Variants in PDE10A observed in about 807,000 individuals in gnomAD.
The protein encoded by PDE10A is cAMP and cAMP-inhibited cGMP 3',5'-cyclic phosphodiesterase 10A.
In PDE10A, 39 loss-of-function variants were observed where a neutral mutation model predicts 97.7. The observed-to-expected ratio is 0.40, with a 90% CI of 0.31 to 0.52. The LOEUF is 0.52. PDE10A is among the 20% of genes least tolerant of loss of function. PDE10A has a pLI of 0.56. For synonymous variants in PDE10A, 371 were observed against 376.8 expected (o/e 0.98, Z 0.18); for missense variants, 731 against 1,047.8 (o/e 0.70, Z 4.17).
intron 21 of PDE10A, among the ~76,000 whole-genome samples, chr6:165,335,491 T>C (rs1369344543): frequency 2.0e-5 from 3 of 152,146 alleles, no homozygotes; most frequent in Non-Finnish European, 4.4e-5. Flanking sequence ...CACATATACA[T>C]AGTGTACTAC....
intron 1 of PDE10A, among the ~76,000 whole-genome samples, chr6:165,582,478 G>T (rs889304280): frequency 5.9e-5 from 9 of 151,840 alleles, no homozygotes; most frequent in Admixed American, 1.3e-4. Flanking sequence ...CACATCAAAT[G>T]ATCTAATTGT....
At chr6:165,520,551 G>A (rs1319272502) in intron 2 of PDE10A, among the ~76,000 whole-genome samples, 1 of 152,170 alleles carries the variant, frequency 6.6e-6, no homozygotes, top group Admixed American at 6.5e-5. Flanking sequence ...GCATCTAGGA[G>A]AGTAGAGCCC....
At chr6:165,590,598 A>C (rs894010076) in intron 1 of PDE10A, among the ~76,000 whole-genome samples, 8 of 152,204 alleles carry the variant, frequency 5.3e-5, no homozygotes, top group African/African-American at 1.9e-4. Context: ...ACACTAAAAA[A>C]CAACTTAAGA....
At chr6:165,695,739 G>A (rs1207014302) in intron 1 of PDE10A, among the ~76,000 whole-genome samples, 1 of 152,186 alleles carries the variant, frequency 6.6e-6, no homozygotes, top group Non-Finnish European at 1.5e-5. Context: ...AGAGATTTGT[G>A]CATCTACTGT....
At chr6:165,751,954 A>G (rs1254632821) in intron 1 of PDE10A, among the ~76,000 whole-genome samples, 2 of 151,908 alleles carry the variant, frequency 1.3e-5, no homozygotes, top group African/African-American at 2.4e-5. Flanking sequence ...CCTGGTTGAC[A>G]TGGTGAAACC....
intron 1 of PDE10A, among the ~76,000 whole-genome samples, chr6:165,923,748 C>G (rs1220359580): frequency 6.6e-6 from 1 of 151,506 alleles, no homozygotes; most frequent in Non-Finnish European, 1.5e-5. Flanking sequence ...GAGTATATAA[C>G]TATCACCACT....
At chr6:165,350,182 G>A (rs1782602956) in intron 18 of PDE10A, among the ~76,000 whole-genome samples, 1 of 152,202 alleles carries the variant, frequency 6.6e-6, no homozygotes, top group Non-Finnish European at 1.5e-5. Context: ...GCCCATGCAA[G>A]CAGCCGGGAG....
intron 1 of PDE10A, among the ~76,000 whole-genome samples, chr6:165,709,943 G>A (rs1295012837): frequency 6.6e-6 from 1 of 151,844 alleles, no homozygotes; most frequent in East Asian, 1.9e-4. Flanking sequence ...AGGACTGTAA[G>A]AACTTGCCCC....
In PDE10A at chr6:165,802,612, C is replaced by A. The variant is rs1779012723; in HGVS notation, c.-615+184917G>T. On this transcript the variant is annotated intron_variant, in intron 1 of 19. Transcript: ENST00000366882. ...GGGGCCCTCCTGAAGAAAAATGTTA[C>A]CAAATTATGAAGGTAAATGTGCAGC... Among the ~76,000 whole-genome samples, 4 of 152,212 alleles carry A rather than the reference C, an allele frequency of 2.6e-5. No individual in the cohort carries two copies. The South Asian group carries it at 8.3e-4, about 32-fold the overall frequency.
intron 1 of PDE10A, among the ~76,000 whole-genome samples, chr6:165,882,141 A>T (rs1441163642): frequency 1.3e-5 from 2 of 152,214 alleles, no homozygotes; most frequent in African/African-American, 4.8e-5. Context: ...TACGTGGCAG[A>T]TTGATTTCCA....
At chr6:165,821,063 A>G (rs1368387728) in intron 1 of PDE10A, among the ~76,000 whole-genome samples, 1 of 152,230 alleles carries the variant, frequency 6.6e-6, no homozygotes. Flanking sequence ...TAGCTCGGGG[A>G]CCAGGGCTGC....
Position 165,330,693 on chromosome 6 carries a change from C to A in PDE10A, c.*2332G>T, listed in dbSNP as rs138161218. The A allele has an allele frequency of 6.6e-6, 1 of 152,168 alleles. No homozygotes were observed. Among genetic ancestry groups the A allele is most frequent in the East Asian group, 1.9e-4 (1 of 5,184 alleles). 9.4% of individuals were successfully genotyped at this position (152,168 alleles called of 1,614,324 possible). A position where few individuals can be genotyped will look rare whatever the true frequency, so the allele number is the denominator to read the frequency against. ...AAATTAAGAGAATTTTCTGTAATAA[C>A]CTAAAAATGTAAATGTAGCCATGAG... On this transcript the variant is annotated 3_prime_UTR_variant, in exon 22 of 22. Transcript: ENST00000539869.
intron 1 of PDE10A, among the ~76,000 whole-genome samples, chr6:165,916,421 C>T (rs1434474721): frequency 6.6e-6 from 1 of 152,190 alleles, no homozygotes; most frequent in Non-Finnish European, 1.5e-5. Flanking sequence ...GGAAGATTTG[C>T]CCATTTCAGT....
intron 20 of PDE10A, among the ~76,000 whole-genome samples, chr6:165,336,923 C>T (rs1345074762): frequency 3.9e-5 from 6 of 152,096 alleles, no homozygotes; most frequent in Non-Finnish European, 4.4e-5. Context: ...GCTATTCTTT[C>T]ATACATATGG....
At chr6:165,691,099 T>TTTCTCTC (rs1791265182) in intron 1 of PDE10A, among the ~76,000 whole-genome samples, 2 of 53,296 alleles carry the variant, frequency 3.8e-5, no homozygotes, top group African/African-American at 2.3e-4. Flanking sequence ...CTCTCTCTCT[T>TTTCTCTC]TCTCTCTCCC....
At chr6:165,870,577 A>G (rs1360010451) in intron 1 of PDE10A, among the ~76,000 whole-genome samples, 1 of 152,230 alleles carries the variant, frequency 6.6e-6, no homozygotes, top group Non-Finnish European at 1.5e-5. Flanking sequence ...TAGAATGACC[A>G]TACAATCCAG....
chr6:165,452,652 TG>T (rs1055404537), intron 3 of PDE10A, among the ~76,000 whole-genome samples: 2 of 152,116 alleles, frequency 1.3e-5, no homozygotes, highest in African/African-American at 4.8e-5. Flanking sequence ...CCTCCAAAAT[TG>T]TAAGAAATAA....
At chr6:165,974,686 C>A (rs894069066) in intron 1 of PDE10A, among the ~76,000 whole-genome samples, 1 of 152,156 alleles carries the variant, frequency 6.6e-6, no homozygotes, top group African/African-American at 2.4e-5. Context: ...CTCATTGGTA[C>A]CTTCTCTGGG....
intron 1 of PDE10A, among the ~76,000 whole-genome samples, chr6:165,678,459 T>A (rs1240251548): frequency 6.6e-6 from 1 of 152,064 alleles, no homozygotes; most frequent in Non-Finnish European, 1.5e-5. Flanking sequence ...TAAGAAGCGA[T>A]AACATTTTGG....
Sources: allele counts gnomAD v4.1 joint callset (sites outside exome capture counted in the v4.1 genomes callset), GRCh38; gene constraint gnomAD v4.1.1; transcripts MANE v1.5; gene names NCBI Gene and HGNC (gene_info 2026-07-23, HGNC 2026-07-21).